ACYP2: variants seen among roughly 807,000 people sequenced by gnomAD.
The protein encoded by ACYP2 is acylphosphatase 2.
A neutral mutation model predicts 11.2 loss-of-function variants in ACYP2; 12 were observed. That is an observed-to-expected ratio of 1.08 (90% CI 0.69 to 1.74). The LOEUF (loss-of-function observed/expected upper bound fraction) is 1.74, where lower values mean the gene tolerates loss of function less well. Ranked by LOEUF, ACYP2 falls within the 40% of genes most tolerant of loss-of-function variation. The pLI, the probability that ACYP2 is intolerant of heterozygous loss-of-function variation, is 0.00. For missense variants in ACYP2, 134 were observed against 101.9 expected (o/e 1.31, Z -1.35); for synonymous variants, 43 against 32.2 (o/e 1.33, Z -1.13).
At chr2:54,001,703 T>G (rs1439969724) in intron 2 of ACYP2, among the ~76,000 whole-genome samples, 1 of 152,250 alleles carries the variant, frequency 6.6e-6, no homozygotes, top group Non-Finnish European at 1.5e-5. Context: ...CAAAAATACT[T>G]ATTTCTGCGT....
chr2:54,087,240 C>A (rs903363052), intron 4 of ACYP2, among the ~76,000 whole-genome samples: 1 of 152,252 alleles, frequency 6.6e-6, no homozygotes, highest in African/African-American at 2.4e-5. Context: ...CACTTGTACA[C>A]ATGTCCAGAC....
intron 2 of ACYP2, among the ~76,000 whole-genome samples, chr2:54,035,442 T>C (rs552840384): frequency 3.9e-4 from 59 of 151,988 alleles, no homozygotes; most frequent in African/African-American, 1.4e-3. Flanking sequence ...ATTTTTTGTG[T>C]TTTTAGTAGA....
intron 6 of ACYP2, chr2:54,141,948 C>T (rs1681626812): frequency 5.1e-6 from 3 of 584,130 alleles, no homozygotes; most frequent in African/African-American, 1.8e-5. Context: ...AGTGATCTTC[C>T]CACGTCAACC....
chr2:54,081,738 G>T (rs775133600), intron 4 of ACYP2, among the ~76,000 whole-genome samples: 6 of 152,192 alleles, frequency 3.9e-5, no homozygotes, highest in Non-Finnish European at 8.8e-5. Context: ...GCTTTTACAT[G>T]TCTGATGATC....
intron 2 of ACYP2, among the ~76,000 whole-genome samples, chr2:54,009,844 A>C (rs1450148619): frequency 2.0e-5 from 3 of 152,190 alleles, no homozygotes; most frequent in Admixed American, 6.5e-5. Context: ...GTTTATATGA[A>C]TTATCTATTT....
At chr2:54,233,021 A>C (rs545442809) in intron 6 of ACYP2, among the ~76,000 whole-genome samples, 1 of 152,294 alleles carries the variant, frequency 6.6e-6, no homozygotes, top group Admixed American at 6.5e-5. Context: ...TATCAGTTTA[A>C]GGAAGTCATC....
At chr2:54,256,085 C>T in intron 6 of ACYP2, 2 of 1,614,136 alleles carry the variant, frequency 1.2e-6, no homozygotes, top group Non-Finnish European at 1.7e-6. Flanking sequence ...GACCTCTGGC[C>T]CTGGTGCGGG....
intron 6 of ACYP2, among the ~76,000 whole-genome samples, chr2:54,266,143 AT>A (rs1688007077): frequency 1.3e-5 from 2 of 152,244 alleles, no homozygotes; most frequent in African/African-American, 4.8e-5. Context: ...CACCTTCAAA[AT>A]AACAATAATG....
At chr2:54,007,286 G>T (rs913376465) in intron 2 of ACYP2, among the ~76,000 whole-genome samples, 49 of 129,608 alleles carry the variant, frequency 3.8e-4, no homozygotes, top group African/African-American at 1.3e-3. Flanking sequence ...ACGGAGTCTC[G>T]CTCTGTCACC....
intron 6 of ACYP2, among the ~76,000 whole-genome samples, chr2:54,227,254 C>G (rs372968038): frequency 3.0e-4 from 46 of 152,182 alleles, no homozygotes; most frequent in Non-Finnish European, 4.0e-4. Flanking sequence ...ATTAGGTGTT[C>G]AGGGACCAGA....
intron 6 of ACYP2, among the ~76,000 whole-genome samples, chr2:54,190,712 T>C (rs144452887): frequency 6.6e-6 from 1 of 152,222 alleles, no homozygotes; most frequent in East Asian, 1.9e-4. Flanking sequence ...TTCCATGGCT[T>C]TCAGTCTCCT....
intron 6 of ACYP2, among the ~76,000 whole-genome samples, chr2:54,175,858 C>T (rs10172798): frequency 0.042 from 6,353 of 152,180 alleles, 452 homozygotes; most frequent in African/African-American, 0.14. Flanking sequence ...TGTTGAAATC[C>T]GTTCCCCAGT....
At chr2:54,031,629 G>A (rs1251524783) in intron 2 of ACYP2, among the ~76,000 whole-genome samples, 12 of 152,128 alleles carry the variant, frequency 7.9e-5, no homozygotes, top group African/African-American at 2.9e-4. Flanking sequence ...ATAGTCCTTT[G>A]AGTATATGCC....
chr2:53,982,454 G>A (rs1671812705), intron 2 of ACYP2, among the ~76,000 whole-genome samples: 1 of 152,122 alleles, frequency 6.6e-6, no homozygotes, highest in African/African-American at 2.4e-5. Flanking sequence ...GAATGACACA[G>A]TACCTGTCCT....
chr2:54,199,464 C>G (rs982750258), intron 6 of ACYP2, among the ~76,000 whole-genome samples: 1 of 152,140 alleles, frequency 6.6e-6, no homozygotes, highest in African/African-American at 2.4e-5. Flanking sequence ...GGCCCTGAAC[C>G]ACTGCACAGG....
intron 4 of ACYP2, among the ~76,000 whole-genome samples, chr2:54,121,201 C>T (rs906097620): frequency 2.0e-5 from 3 of 152,058 alleles, no homozygotes; most frequent in East Asian, 1.9e-4. Flanking sequence ...AGAGGGGACC[C>T]GAAGTGGGTA....
chr2:54,067,147 G>T (rs1331301361), intron 4 of ACYP2, among the ~76,000 whole-genome samples: 4 of 152,110 alleles, frequency 2.6e-5, no homozygotes, highest in Admixed American at 2.0e-4. Flanking sequence ...AGATATTATT[G>T]TTAACTTACT....
intron 4 of ACYP2, among the ~76,000 whole-genome samples, chr2:54,115,247 A>T (rs544469074): frequency 2.2e-4 from 33 of 152,370 alleles, no homozygotes; most frequent in Non-Finnish European, 3.4e-4. Context: ...TCATTTCACA[A>T]TGCATACATA....
At chr2:54,128,477 G>C (rs531196153) in intron 4 of ACYP2, among the ~76,000 whole-genome samples, 1 of 152,202 alleles carries the variant, frequency 6.6e-6, no homozygotes, top group Admixed American at 6.5e-5. Flanking sequence ...AGACTAGCCT[G>C]AGCAGCATAG....
Sources: allele counts gnomAD v4.1 joint callset (sites outside exome capture counted in the v4.1 genomes callset), GRCh38; gene constraint gnomAD v4.1.1; transcripts MANE v1.5; gene names NCBI Gene and HGNC (gene_info 2026-07-23, HGNC 2026-07-21).